Variants in GNG4 observed in about 807,000 individuals in gnomAD.
The protein encoded by GNG4 is G protein subunit gamma 4.
Under a neutral mutation model 5.8 loss-of-function variants are expected in GNG4, and 4 were observed. The ratio of observed to expected loss-of-function variants is 0.69; its 90% CI spans 0.34 to 1.57. The LOEUF is 1.57. Ranked by LOEUF, GNG4 falls within the 40% of genes most tolerant of loss-of-function variation. The pLI, the probability that GNG4 is intolerant of heterozygous loss-of-function variation, is 0.06. For synonymous variants in GNG4, 29 were observed against 32.9 expected (o/e 0.88, Z 0.41); for missense variants, 96 against 95.1 (o/e 1.01, Z -0.04).
At position 235,593,405 on chromosome 1, in the gene GNG4, C is replaced by T. The variant is rs148862001; in HGVS notation, c.-11+1995G>A. On this transcript the variant is annotated intron_variant, in intron 2 of 3. Coordinates refer to ENST00000391854, the MANE Select transcript of GNG4 (RefSeq NM_001098722.2). ...CTTAGAATTTCTGGAAGCCAAATGTCATTGTGCCTTTGCAGCCATCCTCCC... is the reference window on the plus strand; with the variant it reads ...CTTAGAATTTCTGGAAGCCAAATGTTATTGTGCCTTTGCAGCCATCCTCCC... Among the ~76,000 whole-genome samples the T allele has an allele frequency of 5.9e-3, 906 of 152,308 alleles. 9 individuals carry two copies. Among genetic ancestry groups the T allele is most frequent in the African/African-American group, 0.02 (848 of 41,570 alleles).
chr1:235,564,784 C>G (rs1687152148), intron 3 of GNG4, among the ~76,000 whole-genome samples: 3 of 152,162 alleles, frequency 2.0e-5, no homozygotes, highest in African/African-American at 7.2e-5. Context: ...CTCCCGGGTT[C>G]AAGCGATTCT....
intron 1 of GNG4, chr1:235,615,300 C>A (rs1007701392): frequency 2.0e-5 from 3 of 152,410 alleles, no homozygotes; most frequent in Non-Finnish European, 2.9e-5. Flanking sequence ...GGAAGGGGGC[C>A]ACAAGCGAAG....
At chr1:235,645,007 C>T (rs769062138) in intron 1 of GNG4, among the ~76,000 whole-genome samples, 5 of 152,140 alleles carry the variant, frequency 3.3e-5, no homozygotes, top group East Asian at 1.9e-4. Flanking sequence ...CCCACGTGGA[C>T]GTGTGGGTGT....
intron 1 of GNG4, among the ~76,000 whole-genome samples, chr1:235,606,236 G>A (rs1450184882): frequency 6.6e-6 from 1 of 152,122 alleles, no homozygotes; most frequent in Non-Finnish European, 1.5e-5. Flanking sequence ...CAAAAAATTA[G>A]CCAGGCATGG....
intron 1 of GNG4, among the ~76,000 whole-genome samples, chr1:235,616,905 ATT>A (rs553175038): frequency 1.6e-4 from 18 of 115,778 alleles, no homozygotes; most frequent in African/African-American, 3.0e-4. Context: ...CACCTGGCTA[ATT>A]TTTTTTTTTT....
rs914120858 is a variant in GNG4, at chr1:235,642,294, C to T, written c.-123+7368G>A. Among the ~76,000 whole-genome samples the T allele has an allele frequency of 1.3e-5, 2 of 152,172 alleles. No homozygotes were observed. The highest frequency in any genetic ancestry group is 2.9e-5 in the Non-Finnish European group (2 of 68,024). On this transcript the variant is annotated intron_variant, in intron 1 of 3. Coordinates refer to ENST00000391854, the MANE Select transcript of GNG4 (RefSeq NM_001098722.2). This position sits in a 1 kb window ranked among gnomAD's most constrained non-coding sequence, Gnocchi z 4.3. ...TGAAGCAGGGCCAAGGCCAGCCCTCCGCCTCGAGGCCACTGGTGCTTGGGG... is the reference window on the plus strand; with the variant it reads ...TGAAGCAGGGCCAAGGCCAGCCCTCTGCCTCGAGGCCACTGGTGCTTGGGG...
chr1:235,556,705 G>A (rs1686919186), intron 3 of GNG4, among the ~76,000 whole-genome samples: 1 of 151,626 alleles, frequency 6.6e-6, no homozygotes, highest in Non-Finnish European at 1.5e-5. Flanking sequence ...GGTTTCAGGA[G>A]GATTCAAGTG....
chr1:235,551,414 G>GA lies in GNG4; in HGVS notation c.*694_*695insT, dbSNP rs1686744638. The GA allele has an allele frequency of 6.6e-6, 1 of 152,298 alleles. No individual in the cohort carries two copies. The highest frequency in any genetic ancestry group is 2.4e-5 in the African/African-American group (1 of 41,424). The allele number at this position is 152,298 out of a possible 1,614,324, so 9.4% of individuals were successfully genotyped here. A position where few individuals can be genotyped will look rare whatever the true frequency, so the allele number is the denominator to read the frequency against. On this transcript the variant is annotated 3_prime_UTR_variant, in exon 4 of 4. Coordinates refer to ENST00000391854, the MANE Select transcript of GNG4 (RefSeq NM_001098722.2). ...AAAAATTAGCTGGGTGTGGTGGCGC[G>GA]TGCCTATGATCCCAGCTACTCAGGA... is the stretch of plus-strand genomic sequence containing the variant.
At chr1:235,574,938 C>T (rs1351069160) in intron 3 of GNG4, among the ~76,000 whole-genome samples, 1 of 152,146 alleles carries the variant, frequency 6.6e-6, no homozygotes, top group African/African-American at 2.4e-5. Context: ...GATTCTCCTG[C>T]CTCAGCCTCC....
In GNG4 at chr1:235,622,577, C is replaced by T. The variant is rs192553024; in HGVS notation, c.-122-27066G>A. Among the ~76,000 whole-genome samples the T allele has an allele frequency of 5.9e-5, 9 of 151,746 alleles. No individual in the cohort carries two copies. In the East Asian group the frequency reaches 1.7e-3, roughly 29 times the overall value. ...AAAAATACAAAAATTCGGCCAGGCA[C>T]GGTGGCTCACCTGAGGTCAGGTGGC... On this transcript the variant is annotated intron_variant, in intron 1 of 3. Coordinates refer to ENST00000391854, the MANE Select transcript of GNG4 (RefSeq NM_001098722.2).
At chr1:235,616,025 G>A in intron 1 of GNG4, 1 of 344,398 alleles carries the variant, frequency 2.9e-6, no homozygotes, top group South Asian at 2.4e-5. Context: ...CCGTCTGTGT[G>A]GTCCAAGGCC....
intron 1 of GNG4, among the ~76,000 whole-genome samples, chr1:235,625,489 C>A (rs370456411): frequency 6.6e-6 from 1 of 152,198 alleles, no homozygotes; most frequent in Non-Finnish European, 1.5e-5. Context: ...ACTGCACATT[C>A]TATGGGCTTT....
At chr1:235,633,195 G>T (rs1217503968) in intron 1 of GNG4, among the ~76,000 whole-genome samples, 2 of 152,222 alleles carry the variant, frequency 1.3e-5, no homozygotes, top group Non-Finnish European at 2.9e-5. Context: ...GTGACAGCCT[G>T]CTGCTGGTCC....
chr1:235,583,795 T>G lies in GNG4; in HGVS notation c.44A>C (p.Gln15Pro). 1.2e-6 allele frequency: 2 copies of G among 1,613,954 alleles called. No homozygotes were observed. Among genetic ancestry groups the G allele is most frequent in the Non-Finnish European group, 1.7e-6 (2 of 1,179,860 alleles). Reference protein sequence around the residue: ...MSNNSTTSISQARKAVEQLKM... With the variant: ...MSNNSTTSISPARKAVEQLKM... ...TAGCTGCTCCACAGCTTTCCTGGCT[T>G]GGGAGATGCTAGTGGTGCTGTTATT... is the stretch of plus-strand genomic sequence containing the variant. The change falls in exon 3 of 4, where the codon CAA becomes CCA. Residue 15 changes from glutamine (Q) to proline (P), a missense_variant. Physicochemically the swap from Gln to Pro is moderately conservative, Grantham distance 76. Transcript: ENST00000391854.
chr1:235,631,898 C>T (rs1232067184), intron 1 of GNG4, among the ~76,000 whole-genome samples: 4 of 151,978 alleles, frequency 2.6e-5, no homozygotes, highest in Non-Finnish European at 4.4e-5. Context: ...AGTGGCAATA[C>T]GTGGATGAGT....
At chr1:235,643,194 C>T (rs73124524) in intron 1 of GNG4, among the ~76,000 whole-genome samples, 8,077 of 152,222 alleles carry the variant, frequency 0.053, 735 homozygotes, top group African/African-American at 0.18. Context: ...CCATTCTTCA[C>T]GGTCAGTCTC....
intron 3 of GNG4, among the ~76,000 whole-genome samples, chr1:235,561,230 C>T (rs1034939211): frequency 1.7e-4 from 26 of 152,202 alleles, no homozygotes; most frequent in African/African-American, 5.8e-4. Flanking sequence ...AGCATGGTCT[C>T]GATCTCCTGA....
Position 235,649,330 on chromosome 1 carries a change from G to C in GNG4, c.-123+332C>G, listed in dbSNP as rs961198444. 2.0e-5 allele frequency among the ~76,000 whole-genome samples: 3 copies of C among 152,212 alleles called. No individual in the cohort carries two copies. The highest frequency in any genetic ancestry group is 4.4e-5 in the Non-Finnish European group (3 of 68,024). On this transcript the variant is annotated intron_variant, in intron 1 of 3. Transcript: ENST00000391854. The surrounding 1 kb of genome is among the most constrained non-coding windows in gnomAD (Gnocchi z 5.7). ...GCAAACGCTCTGTGACCTACAAATG[G>C]AAGAGGGGACCCCCGAGCCCCCGCC...
intron 1 of GNG4, among the ~76,000 whole-genome samples, chr1:235,614,438 ATT>A (rs1688544682): frequency 6.6e-6 from 1 of 151,602 alleles, no homozygotes; most frequent in African/African-American, 2.4e-5. Flanking sequence ...CTTCTTTTGA[ATT>A]TCTCTCTCTC....
Sources: allele counts gnomAD v4.1 joint callset (sites outside exome capture counted in the v4.1 genomes callset), GRCh38; gene constraint gnomAD v4.1.1; non-coding constraint Gnocchi (gnomAD v3.1); transcripts MANE v1.5; gene names NCBI Gene and HGNC (gene_info 2026-07-23, HGNC 2026-07-21).